Variants in PDE9A observed in about 807,000 individuals in gnomAD.
The protein encoded by PDE9A is high affinity cGMP-specific 3',5'-cyclic phosphodiesterase 9A.
Under a neutral mutation model 87.4 loss-of-function variants are expected in PDE9A, and 60 were observed. The observed-to-expected ratio is 0.69, with a 90% confidence interval of 0.56 to 0.85. The LOEUF (loss-of-function observed/expected upper bound fraction) is 0.85, where lower values mean the gene tolerates loss of function less well. Ranked by LOEUF, PDE9A falls within the 40% of genes least tolerant of loss-of-function variation. The probability of loss-of-function intolerance (pLI) is 0.00; values close to 1 mark genes in which losing one functional copy is unlikely to be tolerated. For synonymous variants in PDE9A, 272 were observed against 279.4 expected (o/e 0.97, Z 0.27); for missense variants, 665 against 779.0 (o/e 0.85, Z 1.74).
chr21:42,713,129 C>CTTGTCT (rs112520478), intron 4 of PDE9A, among the ~76,000 whole-genome samples: 1 of 151,268 alleles, frequency 6.6e-6, no homozygotes, highest in Non-Finnish European at 1.5e-5. Flanking sequence ...TATGTATTGA[C>CTTGTCT]TTGTTTTTGT....
chr21:42,756,291 G>A (rs2147050275), intron 10 of PDE9A, among the ~76,000 whole-genome samples: 1 of 152,306 alleles, frequency 6.6e-6, no homozygotes, highest in Middle Eastern at 3.4e-3. Flanking sequence ...AGGAATTTTG[G>A]AGTGTGAGTG....
chr21:42,730,169 G>A (rs1432038927), intron 4 of PDE9A, among the ~76,000 whole-genome samples: 1 of 152,162 alleles, frequency 6.6e-6, no homozygotes, highest in Non-Finnish European at 1.5e-5. Context: ...TTGTTGATGG[G>A]AGCCATCTTC....
intron 17 of PDE9A, among the ~76,000 whole-genome samples, chr21:42,769,708 AG>A (rs2056842225): frequency 2.0e-5 from 1 of 49,878 alleles, no homozygotes; most frequent in South Asian, 9.1e-4. Context: ...ACATGCACAC[AG>A]GTACACGCAG....
intron 7 of PDE9A, 131 bp downstream of exon 7, chr21:42,733,557 G>T: frequency 1.5e-6 from 1 of 649,788 alleles, no homozygotes. Flanking sequence ...TGAAATACTT[G>T]AAAATTACCT....
chr21:42,752,929 C>A (rs2054586657), intron 9 of PDE9A, among the ~76,000 whole-genome samples: 1 of 152,218 alleles, frequency 6.6e-6, no homozygotes, highest in African/African-American at 2.4e-5. Flanking sequence ...CAGACAGGAG[C>A]ATCTCAGAAT....
In PDE9A at chr21:42,775,340, G is replaced by A. The variant is rs774815986; in HGVS notation, c.*47G>A. On this transcript the variant is annotated 3_prime_UTR_variant, in exon 20 of 20. Coordinates refer to ENST00000291539, the MANE Select transcript of PDE9A (RefSeq NM_002606.3). Reference sequence around the variant, plus strand: ...CAGTTCTGGACGGGCTGGCCGAGCTGCGCGGGATCCTTGTGCAGGGAAGAG... The same window carrying A: ...CAGTTCTGGACGGGCTGGCCGAGCTACGCGGGATCCTTGTGCAGGGAAGAG... 8.2e-6 allele frequency: 13 copies of A among 1,594,494 alleles called. No homozygotes were observed. The South Asian group carries it at 9.0e-5, about 11-fold the overall frequency.
Position 42,751,058 on chromosome 21 carries a change from A to G in PDE9A, c.654-58A>G, listed in dbSNP as rs987411180. 4.5e-6 allele frequency: 5 copies of G among 1,118,838 alleles called. No individual in the cohort carries two copies. In the African/African-American group the frequency reaches 7.7e-5, roughly 17 times the overall value. The allele number at this position is 1,118,838 out of a possible 1,614,324, so 69.3% of individuals were successfully genotyped here. On this transcript the variant is annotated intron_variant, in intron 8 of 19. Transcript: ENST00000291539. ...TTTGTCGCTTGCTTTTGCTGTGCTG[A>G]GGGCTTCACCAGACTGAAACAGCAG...
At chr21:42,685,918 C>A (rs2146170087) in intron 1 of PDE9A, among the ~76,000 whole-genome samples, 1 of 152,324 alleles carries the variant, frequency 6.6e-6, no homozygotes, top group South Asian at 2.1e-4. Context: ...GATGCGCCTT[C>A]ACCATAACCA....
In PDE9A at chr21:42,760,445, C is replaced by A; in HGVS notation, c.1002+13C>A. On this transcript the variant is annotated intron_variant, in intron 12 of 19. Transcript: ENST00000291539. The surrounding 1 kb of genome is among the most constrained non-coding windows in gnomAD (Gnocchi z 5.2). ...CTGCAGTCTCCAGGTGGGTCCTGCC[C>A]GCTGCACACCCAGACCTCTACTCTC... 1.4e-6 allele frequency: 2 copies of A among 1,451,628 alleles called. No individual in the cohort carries two copies. The highest frequency in any genetic ancestry group is 1.9e-6 in the Non-Finnish European group (2 of 1,040,714). The allele number at this position is 1,451,628 out of a possible 1,614,324, so 89.9% of individuals were successfully genotyped here.
At chr21:42,679,053 G>C (rs1179743073) in intron 1 of PDE9A, among the ~76,000 whole-genome samples, 1 of 152,260 alleles carries the variant, frequency 6.6e-6, no homozygotes, top group Non-Finnish European at 1.5e-5. Flanking sequence ...GGTGAGCTGG[G>C]AGAGCTGGAG....
In PDE9A at chr21:42,704,901, C is replaced by A. The variant is rs1437639403; in HGVS notation, c.262+5890C>A. On this transcript the variant is annotated intron_variant, in intron 4 of 19. Transcript: ENST00000291539. This position sits in a 1 kb window ranked among gnomAD's most constrained non-coding sequence, Gnocchi z 5.3. The stretch of plus-strand genomic sequence containing the variant: ...TGGAACTGTGCAATGCAGAAACACC[C>A]CAGGGTTTTGCTGTTTTGCTACTTA... Among the ~76,000 whole-genome samples the A allele has an allele frequency of 1.3e-5, 2 of 152,184 alleles. No individual in the cohort carries two copies. The highest frequency in any genetic ancestry group is 2.9e-5 in the Non-Finnish European group (2 of 68,022).
At chr21:42,736,024 G>A (rs1394868247) in intron 7 of PDE9A, among the ~76,000 whole-genome samples, 3 of 152,086 alleles carry the variant, frequency 2.0e-5, no homozygotes, top group East Asian at 1.9e-4. Context: ...AAAAAGCCAC[G>A]CAGTCACTAC....
intron 3 of PDE9A, among the ~76,000 whole-genome samples, 190 bp downstream of exon 3, chr21:42,688,184 C>T (rs1022666832): frequency 4.6e-5 from 7 of 152,198 alleles, no homozygotes; most frequent in African/African-American, 1.4e-4. Flanking sequence ...GAGCTGGGCA[C>T]GTTCCAAGAT....
At chr21:42,697,834 G>C (rs1328827898) in intron 3 of PDE9A, among the ~76,000 whole-genome samples, 1 of 152,158 alleles carries the variant, frequency 6.6e-6, no homozygotes, top group Non-Finnish European at 1.5e-5. Flanking sequence ...CTGGGGATGA[G>C]GGCTTCATTA....
chr21:42,733,779 C>T lies in PDE9A; in HGVS notation c.568+353C>T, dbSNP rs186605680. On this transcript the variant is annotated intron_variant, in intron 7 of 19. Coordinates refer to ENST00000291539, the MANE Select transcript of PDE9A (RefSeq NM_002606.3). ...ATGAAGACATTCTCTGCACACTGATCGGCACCCTGTGGGTCATAATTTTTT... is the reference window on the plus strand; with the variant it reads ...ATGAAGACATTCTCTGCACACTGATTGGCACCCTGTGGGTCATAATTTTTT... 2.8e-3 allele frequency: 696 copies of T among 252,732 alleles called. 3 individuals are homozygous for T. The highest frequency in any genetic ancestry group is 3.3e-3 in the Non-Finnish European group (432 of 129,666). The allele number at this position is 252,732 out of a possible 1,614,324, so 15.7% of individuals were successfully genotyped here.
chr21:42,763,726 C>T (rs1202226838), intron 14 of PDE9A, among the ~76,000 whole-genome samples: 1 of 152,212 alleles, frequency 6.6e-6, no homozygotes. Flanking sequence ...GGCTTCCTTC[C>T]AGAGGCAGCA....
intron 3 of PDE9A, 126 bp from the exon 4 acceptor site, chr21:42,698,842 T>TAAAAA: frequency 1.8e-6 from 1 of 556,694 alleles, no homozygotes; most frequent in East Asian, 3.1e-5. Flanking sequence ...ATTTAAAAAA[T>TAAAAA]AAAAATAAAT....
At chr21:42,654,084 G>GGGGGGT (rs1282777819) in intron 1 of PDE9A, among the ~76,000 whole-genome samples, 8,688 of 112,452 alleles carry the variant, frequency 0.077, 824 homozygotes, top group African/African-American at 0.22. Context: ...GGTGGGGGGT[G>GGGGGGT]GGGGGGCGGG....
intron 7 of PDE9A, among the ~76,000 whole-genome samples, chr21:42,738,033 C>G (rs900590364): frequency 1.3e-5 from 2 of 152,228 alleles, no homozygotes; most frequent in East Asian, 1.9e-4. Flanking sequence ...GGCTCCTCCC[C>G]TCATGTCCTG....
Sources: allele counts gnomAD v4.1 joint callset (sites outside exome capture counted in the v4.1 genomes callset), GRCh38; gene constraint gnomAD v4.1.1; non-coding constraint Gnocchi (gnomAD v3.1); transcripts MANE v1.5; gene names NCBI Gene and HGNC (gene_info 2026-07-23, HGNC 2026-07-21).